ESRRG: variants seen among roughly 807,000 people sequenced by gnomAD.
ESRRG encodes the protein estrogen related receptor gamma, also known as estrogen-related receptor gamma.
In ESRRG, 13 loss-of-function variants were observed where a neutral mutation model predicts 44.0. That is an observed-to-expected ratio of 0.30 (90% confidence interval 0.19 to 0.47). The LOEUF is 0.47. ESRRG is among the 20% of genes least tolerant of loss of function. ESRRG has a pLI of 1.00. For synonymous variants in ESRRG, 215 were observed against 214.6 expected, an observed-to-expected ratio of 1.00 and a Z score of -0.02; for missense variants, 395 against 580.6, an observed-to-expected ratio of 0.68 and a Z score of 3.29.
At chr1:216,800,366 G>A (rs986852519) in intron 2 of ESRRG, among the ~76,000 whole-genome samples, 10 of 152,106 alleles carry the variant, frequency 6.6e-5, no homozygotes, top group Admixed American at 4.6e-4. Context: ...AAAGCAGCAA[G>A]AACACAGGCT....
intron 2 of ESRRG, among the ~76,000 whole-genome samples, chr1:216,824,482 ATT>A (rs199897227): frequency 1.2e-4 from 17 of 145,306 alleles, no homozygotes; most frequent in African/African-American, 2.3e-4. Flanking sequence ...AGTCATTTTA[ATT>A]TTTTTTTTTT....
intron 1 of ESRRG, among the ~76,000 whole-genome samples, chr1:216,719,146 C>T (rs2085589158): frequency 6.6e-6 from 1 of 151,930 alleles, no homozygotes; most frequent in Admixed American, 6.6e-5. Context: ...TGAGATTGGG[C>T]ATTATGCCTA....
chr1:216,666,296 C>T (rs1281671558), intron 2 of ESRRG, among the ~76,000 whole-genome samples: 2 of 152,218 alleles, frequency 1.3e-5, no homozygotes, highest in Admixed American at 6.5e-5. Context: ...CTAATATACC[C>T]TATCTGGCTT....
Position 216,983,768 on chromosome 1 carries a change from CA to C in ESRRG, c.-105-44096del, listed in dbSNP as rs112365540. Among the ~76,000 whole-genome samples, 241 of 151,096 alleles carry C rather than the reference CA, an allele frequency of 1.6e-3. 1 individual carries two copies. The highest frequency in any genetic ancestry group is 5.7e-3 in the African/African-American group (234 of 41,254). On this transcript the variant is annotated intron_variant, in intron 1 of 7. Transcript: ENST00000359162. Reference sequence around the variant, plus strand: ...AAAAGTCAGTAATATGTAATGACAGCAGTGTTTTTTGCAACGCATACCAAGT... The same window carrying C: ...AAAAGTCAGTAATATGTAATGACAGCGTGTTTTTTGCAACGCATACCAAGT...
At chr1:216,996,841 G>C (rs1159705124) in intron 1 of ESRRG, among the ~76,000 whole-genome samples, 1 of 152,070 alleles carries the variant, frequency 6.6e-6, no homozygotes, top group Non-Finnish European at 1.5e-5. Flanking sequence ...TTGACTGTAA[G>C]ACACACAACC....
chr1:216,896,232 T>A (rs1454885842), intron 2 of ESRRG, among the ~76,000 whole-genome samples: 1 of 152,232 alleles, frequency 6.6e-6, no homozygotes, highest in East Asian at 1.9e-4. Flanking sequence ...CTCATGTTAC[T>A]GGAAACATCT....
At chr1:216,524,747 G>C (rs1394214122) in intron 5 of ESRRG, among the ~76,000 whole-genome samples, 1 of 152,044 alleles carries the variant, frequency 6.6e-6, no homozygotes, top group Non-Finnish European at 1.5e-5. Context: ...GGTCAAACAA[G>C]ACAAGTACAT....
chr1:216,695,418 T>C (rs2079949278), intron 1 of ESRRG, among the ~76,000 whole-genome samples: 1 of 152,132 alleles, frequency 6.6e-6, no homozygotes, highest in African/African-American at 2.4e-5. Flanking sequence ...GTTATGCAAA[T>C]AGTTACAACT....
chr1:216,539,196 T>TTA (rs10593104), intron 5 of ESRRG, among the ~76,000 whole-genome samples: 299 of 150,408 alleles, frequency 2.0e-3, no homozygotes, highest in South Asian at 2.9e-3. Context: ...CCTGGAGATT[T>TTA]TATATATATA....
At chr1:216,914,192 C>T (rs2060845694) in intron 2 of ESRRG, among the ~76,000 whole-genome samples, 1 of 151,970 alleles carries the variant, frequency 6.6e-6, no homozygotes, top group South Asian at 2.1e-4. Context: ...AATCCTTTGG[C>T]AGGAAAAGCT....
chr1:216,883,299 C>T (rs2096472550), intron 2 of ESRRG, among the ~76,000 whole-genome samples: 1 of 142,712 alleles, frequency 7.0e-6, no homozygotes, highest in Non-Finnish European at 1.5e-5. Context: ...GCAGGAGAAT[C>T]GTTTGAACCT....
At chr1:216,544,186 ATT>A (rs1339584131) in intron 5 of ESRRG, among the ~76,000 whole-genome samples, 1 of 152,036 alleles carries the variant, frequency 6.6e-6, no homozygotes. Flanking sequence ...TATGATAATC[ATT>A]GTCATTATTA....
intron 2 of ESRRG, among the ~76,000 whole-genome samples, chr1:216,936,210 T>A (rs1349861622): frequency 6.6e-6 from 1 of 152,144 alleles, no homozygotes; most frequent in African/African-American, 2.4e-5. Context: ...TATATATTTC[T>A]TTTTATAAAT....
intron 3 of ESRRG, among the ~76,000 whole-genome samples, chr1:216,637,390 A>G (rs1206853080): frequency 6.6e-6 from 1 of 152,234 alleles, no homozygotes; most frequent in Non-Finnish European, 1.5e-5. Flanking sequence ...TAGAATGCCT[A>G]CAGCAAGAAA....
chr1:216,611,211 CAAAAAAAAAAAAAAAAA>C (rs397861468), intron 3 of ESRRG, among the ~76,000 whole-genome samples: 1 of 60,424 alleles, frequency 1.7e-5, no homozygotes, highest in African/African-American at 8.2e-5. Context: ...ACTCCGTCCT[CAAAAAAAAAAAAAAAAA>C]AAAAAAAAAT....
At chr1:216,917,247 T>A (rs988619596) in intron 2 of ESRRG, among the ~76,000 whole-genome samples, 2 of 151,490 alleles carry the variant, frequency 1.3e-5, no homozygotes, top group African/African-American at 4.9e-5. Context: ...GGTCTGGAAC[T>A]GGAACGAGAT....
rs7551770 is a variant in ESRRG at position 217,077,695 on chromosome 1, C to T, written c.-106+11812G>A. Among the ~76,000 whole-genome samples the T allele has an allele frequency of 2.8e-3, 422 of 152,216 alleles. 1 individual carries two copies. The highest frequency in any genetic ancestry group is 9.8e-3 in the African/African-American group (409 of 41,546). ...CAAAACCTCAGTGGAATGCTCTTTA[C>T]GAGTAAATTAAAACTGCAAACTAAT... On this transcript the variant is annotated intron_variant, in intron 1 of 7. Transcript: ENST00000359162.
intron 2 of ESRRG, among the ~76,000 whole-genome samples, chr1:216,850,561 T>C (rs1048313240): frequency 1.3e-5 from 2 of 152,098 alleles, no homozygotes; most frequent in African/African-American, 4.8e-5. Flanking sequence ...AATGTATATG[T>C]TTAGCCTAGT....
At chr1:216,592,921 T>G (rs565171820) in intron 3 of ESRRG, among the ~76,000 whole-genome samples, 1 of 152,322 alleles carries the variant, frequency 6.6e-6, no homozygotes, top group African/African-American at 2.4e-5. Flanking sequence ...ATTTATTGTA[T>G]GAGATAGGTA....
Sources: allele counts gnomAD v4.1 joint callset (sites outside exome capture counted in the v4.1 genomes callset), GRCh38; gene constraint gnomAD v4.1.1; transcripts MANE v1.5; gene names NCBI Gene and HGNC (gene_info 2026-07-23, HGNC 2026-07-21).